The following WARS1 variants were observed in gnomAD, a reference collection of about 807,000 sequenced individuals.
The protein encoded by WARS1 is tryptophan--tRNA ligase, cytoplasmic.
Under a neutral mutation model 47.8 loss-of-function variants are expected in WARS1, and 17 were observed. The ratio of observed to expected loss-of-function variants is 0.36; its 90% CI spans 0.24 to 0.53. The LOEUF (loss-of-function observed/expected upper bound fraction) is 0.53, where lower values mean the gene tolerates loss of function less well. Among genes scored for constraint, WARS1 ranks in the 20% least tolerant of loss-of-function variants. The pLI is 0.91. For missense variants in WARS1, 434 were observed against 608.0 expected, an observed-to-expected ratio of 0.71 and a Z score of 3.01; for synonymous variants, 208 against 228.1, an observed-to-expected ratio of 0.91 and a Z score of 0.79.
At chr14:100,362,019 C>A in intron 2 of WARS1, 98 bp from the exon 3 acceptor site, 1 of 1,250,484 alleles carries the variant, frequency 8.0e-7, no homozygotes, top group South Asian at 1.4e-5. Context: ...AATGCTTTTA[C>A]ACGTGTTACC....
intron 2 of WARS1, chr14:100,366,799 A>G (rs553232882): frequency 1.4e-6 from 2 of 1,398,806 alleles, no homozygotes; most frequent in African/African-American, 2.8e-5. Flanking sequence ...GTGGCTTTGC[A>G]AAGAGTGTTT....
At chr14:100,356,245 A>T (rs183829941) in intron 4 of WARS1, among the ~76,000 whole-genome samples, 2 of 152,326 alleles carry the variant, frequency 1.3e-5, no homozygotes, top group Admixed American at 6.5e-5. Flanking sequence ...TGCTTTCCTA[A>T]GCCAAGAGGC....
chr14:100,368,994 G>A (rs752865284), intron 2 of WARS1, 93 bp downstream of exon 2: 7 of 875,396 alleles, frequency 8.0e-6, no homozygotes, highest in Non-Finnish European at 1.1e-5. Flanking sequence ...AAACACCTCA[G>A]TCATTGAGGA....
chr14:100,345,023 C>T (rs1894479445), intron 7 of WARS1, among the ~76,000 whole-genome samples: 2 of 151,264 alleles, frequency 1.3e-5, no homozygotes, highest in African/African-American at 2.4e-5. Context: ...CCCGCCCGGC[C>T]AGCCGCCCCG....
At chr14:100,366,785 A>T (rs913392861) in intron 2 of WARS1, 5 of 1,183,314 alleles carry the variant, frequency 4.2e-6, no homozygotes, top group Admixed American at 3.4e-5. Context: ...TTGAAGATAC[A>T]TGGGTGGCTT....
In WARS1 at chr14:100,337,688, C is replaced by CAA. The variant is rs35725702; in HGVS notation, c.1114-488_1114-487dup. Among the ~76,000 whole-genome samples the CAA allele has an allele frequency of 8.1e-3, 924 of 114,268 alleles. 8 individuals carry two copies. Among genetic ancestry groups the CAA allele is most frequent in the African/African-American group, 0.013 (381 of 28,816 alleles). 75.0% of individuals were successfully genotyped at this position (114,268 alleles called of 152,430 possible). On this transcript the variant is annotated intron_variant, in intron 9 of 10. Coordinates refer to ENST00000392882, the MANE Select transcript of WARS1 (RefSeq NM_004184.4). ...TAACTTAGTGAGCCCTCCTCTCTGC[C>CAA]AAAAAAAAAAAAAAAAAGGAATTAG...
intron 9 of WARS1, among the ~76,000 whole-genome samples, chr14:100,338,935 C>T (rs537659822): frequency 1.3e-5 from 2 of 151,166 alleles, no homozygotes; most frequent in East Asian, 2.0e-4. Flanking sequence ...GAAGAAACCC[C>T]GTCTCTACTG....
In WARS1 at chr14:100,373,747, T is replaced by G. The variant is rs1896473262; in HGVS notation, c.-74+1536A>C. Reference sequence around the variant, plus strand: ...ATTTAAGAAGCACATGGGAATGAAATTAGACTGAGGAAATAGCAGATGATC... The same window carrying G: ...ATTTAAGAAGCACATGGGAATGAAAGTAGACTGAGGAAATAGCAGATGATC... On this transcript the variant is annotated intron_variant, in intron 1 of 10. Coordinates refer to ENST00000392882, the MANE Select transcript of WARS1 (RefSeq NM_004184.4). This position sits in a 1 kb window ranked among gnomAD's most constrained non-coding sequence, Gnocchi z 4.4. 6.6e-6 allele frequency among the ~76,000 whole-genome samples: 1 copy of G among 151,936 alleles called. No individual in the cohort carries two copies. Among genetic ancestry groups the G allele is most frequent in the Non-Finnish European group, 1.5e-5 (1 of 68,020 alleles).
chr14:100,362,533 GA>G (rs112297906), intron 2 of WARS1, among the ~76,000 whole-genome samples: 209 of 140,736 alleles, frequency 1.5e-3, no homozygotes, highest in African/African-American at 4.8e-3. Context: ...AAACTATCTT[GA>G]AAAAAAAAAA....
intron 7 of WARS1, among the ~76,000 whole-genome samples, chr14:100,344,988 G>T (rs1311843608): frequency 6.7e-6 from 1 of 149,834 alleles, no homozygotes; most frequent in East Asian, 2.0e-4. Flanking sequence ...CGCCCCGTCC[G>T]GGAGGGAAGT....
chr14:100,341,928 T>C lies in WARS1; in HGVS notation c.1113+470A>G, dbSNP rs150582395. 687 of 226,614 alleles carry C rather than the reference T, an allele frequency of 3.0e-3. 1 individual carries two copies. The highest frequency in any genetic ancestry group is 6.0e-3 in the Middle Eastern group (3 of 504). 14.0% of individuals were successfully genotyped at this position (226,614 alleles called of 1,614,324 possible). A position where few individuals can be genotyped will look rare whatever the true frequency, so the allele number is the denominator to read the frequency against. On this transcript the variant is annotated intron_variant, in intron 9 of 10. Transcript: ENST00000392882. ...AGTGGCTGGGCTTCTCTAAGCCTCA[T>C]CATCTCATCTTTAAAGGGAATAGCA...
intron 9 of WARS1, among the ~76,000 whole-genome samples, chr14:100,341,118 G>A (rs1894134618): frequency 6.6e-6 from 1 of 151,946 alleles, no homozygotes; most frequent in Non-Finnish European, 1.5e-5. Context: ...GTTTCACCAT[G>A]TTGGCCACGC....
intron 10 of WARS1, chr14:100,336,832 T>G: frequency 2.1e-6 from 1 of 483,670 alleles, no homozygotes; most frequent in Non-Finnish European, 3.7e-6. Context: ...AAGACTGTTT[T>G]GGGTGGCTCC....
chr14:100,339,146 C>G (rs1262663038), intron 9 of WARS1, among the ~76,000 whole-genome samples: 4 of 150,652 alleles, frequency 2.7e-5, no homozygotes, highest in Non-Finnish European at 5.9e-5. Flanking sequence ...CACACACACA[C>G]AGAATTCTAG....
chr14:100,337,225 C>T (rs367840580), intron 9 of WARS1, 23 bp from the exon 10 acceptor site: 7 of 1,611,376 alleles, frequency 4.3e-6, no homozygotes, highest in Non-Finnish European at 3.4e-6. Flanking sequence ...AGGACACAGA[C>T]ACGCTCCTCA....
chr14:100,337,820 TG>T (rs763683592), intron 9 of WARS1, among the ~76,000 whole-genome samples: 5 of 152,034 alleles, frequency 3.3e-5, no homozygotes, highest in Non-Finnish European at 5.9e-5. Context: ...ATTGCATCAC[TG>T]CACGCCAGCC....
intron 10 of WARS1, 110 bp downstream of exon 10, chr14:100,336,952 T>C: frequency 1.4e-6 from 2 of 1,449,894 alleles, no homozygotes; most frequent in Non-Finnish European, 1.9e-6. Flanking sequence ...CTTGTTTCAG[T>C]TGAGCACCTC....
intron 2 of WARS1, chr14:100,366,767 A>G: frequency 1.9e-6 from 2 of 1,034,840 alleles, no homozygotes; most frequent in Non-Finnish European, 3.1e-6. Flanking sequence ...GTGGGGCCAC[A>G]ATGAAGCTTG....
In WARS1 at chr14:100,337,198, T is replaced by C. The variant is rs1280569057; in HGVS notation, c.1118A>G (p.Asn373Ser). 18 of 1,613,934 alleles carry C rather than the reference T, an allele frequency of 1.1e-5. No individual in the cohort carries two copies. Among genetic ancestry groups the C allele is most frequent in the Non-Finnish European group, 1.4e-5 (17 of 1,179,910 alleles). ...TCTCCCTCCAGAAAACGCATGCTTATTGACCTGCACCAGAAGAGGACACAG... is the reference window on the plus strand; with the variant it reads ...TCTCCCTCCAGAAAACGCATGCTTACTGACCTGCACCAGAAGAGGACACAG... ...DTAKQIKTKV[N>S]KHAFSGGRDT... The change falls in exon 10 of 11, where the codon AAT (asparagine) becomes AGT (serine). Residue 373 changes from asparagine (N) to serine (S), a missense_variant. This residue lies in a region of WARS1 where 347 missense variants were observed against 523.8 expected (regional missense o/e 0.66). Transcript: ENST00000392882.
Sources: allele counts gnomAD v4.1 joint callset (sites outside exome capture counted in the v4.1 genomes callset), GRCh38; gene constraint gnomAD v4.1.1; regional missense constraint gnomAD v4.1.1; non-coding constraint Gnocchi (gnomAD v3.1); transcripts MANE v1.5; gene names NCBI Gene and HGNC (gene_info 2026-07-23, HGNC 2026-07-21).